VAPB: variants seen among roughly 807,000 people sequenced by gnomAD.
VAPB encodes vesicle-associated membrane protein-associated protein B/C.
Under a neutral mutation model 25.6 loss-of-function variants are expected in VAPB, and 7 were observed. The ratio of observed to expected loss-of-function variants is 0.27; its 90% confidence interval spans 0.16 to 0.51. The LOEUF (loss-of-function observed/expected upper bound fraction) is 0.51, where lower values mean the gene tolerates loss of function less well. VAPB is among the 20% of genes least tolerant of loss of function. VAPB has a pLI of 0.97. For missense variants in VAPB, 266 were observed against 301.3 expected, an observed-to-expected ratio of 0.88 and a Z score of 0.87; for synonymous variants, 112 against 109.2, an observed-to-expected ratio of 1.03 and a Z score of -0.16.
intron 2 of VAPB, among the ~76,000 whole-genome samples, chr20:58,433,349 T>C (rs1378570374): frequency 6.6e-6 from 1 of 152,234 alleles, no homozygotes; most frequent in Non-Finnish European, 1.5e-5. Flanking sequence ...ACGGCTATCC[T>C]GCTTTCTATC....
intron 5 of VAPB, among the ~76,000 whole-genome samples, chr20:58,442,982 G>C (rs1408134678): frequency 2.6e-5 from 4 of 152,234 alleles, no homozygotes; most frequent in African/African-American, 4.8e-5. Flanking sequence ...GTCTGTGCCA[G>C]AATAGAATGG....
At chr20:58,425,460 C>G (rs188774638) in intron 2 of VAPB, among the ~76,000 whole-genome samples, 1 of 152,104 alleles carries the variant, frequency 6.6e-6, no homozygotes, top group East Asian at 1.9e-4. Context: ...TGTTAGCTAA[C>G]GCAAAAAATG....
chr20:58,445,539 C>T lies in VAPB; in HGVS notation c.*1304C>T, dbSNP rs757528541. 4 of 454,040 alleles carry T rather than the reference C, an allele frequency of 8.8e-6. No homozygotes were observed. The highest frequency in any genetic ancestry group is 6.2e-5 in the South Asian group (4 of 64,396). The allele number at this position is 454,040 out of a possible 1,614,324, so 28.1% of individuals were successfully genotyped here. A position where few individuals can be genotyped will look rare whatever the true frequency, so the allele number is the denominator to read the frequency against. ...TTGAAAAGAAAAATTATAATAAAGCCCCAAAATTAAGAATTCTTTTGTCAT... is the reference window on the plus strand; with the variant it reads ...TTGAAAAGAAAAATTATAATAAAGCTCCAAAATTAAGAATTCTTTTGTCAT... On this transcript the variant is annotated 3_prime_UTR_variant, in exon 6 of 6. Coordinates refer to ENST00000475243, the MANE Select transcript of VAPB (RefSeq NM_004738.5).
Position 58,438,963 on chromosome 20 carries a change from G to C in VAPB, c.334G>C (p.Glu112Gln). 1 of 1,613,856 alleles carries C rather than the reference G, an allele frequency of 6.2e-7. No homozygotes were observed. Among genetic ancestry groups the C allele is most frequent in the Non-Finnish European group, 8.5e-7 (1 of 1,179,948 alleles). The stretch of plus-strand genomic sequence containing the variant: ...GTTTTAGTGGAAGGAGGCAAAACCG[G>C]AAGACCTTATGGATTCAAAACTTAG... ...MEAVWKEAKP[E>Q]DLMDSKLRCV... The change falls in exon 4 of 6, where the codon GAA (glutamate) becomes CAA (glutamine). Residue 112 changes from glutamate to glutamine, a missense_variant. By Grantham distance (29) the Glu-to-Gln change is conservative (BLOSUM62 2). Coordinates refer to ENST00000475243, the MANE Select transcript of VAPB (RefSeq NM_004738.5).
chr20:58,435,145 A>G (rs895880623), intron 3 of VAPB, among the ~76,000 whole-genome samples: 4 of 152,146 alleles, frequency 2.6e-5, no homozygotes, highest in African/African-American at 9.7e-5. Context: ...TTAGACATAC[A>G]TGTTTGTGGC....
intron 2 of VAPB, among the ~76,000 whole-genome samples, chr20:58,430,498 G>A (rs2123081752): frequency 6.6e-6 from 1 of 152,246 alleles, no homozygotes; most frequent in East Asian, 1.9e-4. Context: ...GGCCTCAGGT[G>A]ATCCACCCAC....
intron 1 of VAPB, among the ~76,000 whole-genome samples, chr20:58,405,285 C>T (rs1450757604): frequency 6.6e-6 from 1 of 151,986 alleles, no homozygotes; most frequent in African/African-American, 2.4e-5. Flanking sequence ...TGATGATGAG[C>T]TTGGTGTGTT....
chr20:58,404,369 C>T (rs1364580533), intron 1 of VAPB, among the ~76,000 whole-genome samples: 1 of 152,194 alleles, frequency 6.6e-6, no homozygotes, highest in African/African-American at 2.4e-5. Context: ...CGTTATCACA[C>T]TGTACTTTCA....
intron 4 of VAPB, chr20:58,439,256 C>T (rs890863304): frequency 2.0e-5 from 11 of 536,958 alleles, no homozygotes; most frequent in East Asian, 1.3e-4. Context: ...AAGTGCAGCC[C>T]GATGGCCATT....
chr20:58,423,435 A>G (rs868799779), intron 2 of VAPB, among the ~76,000 whole-genome samples: 2 of 148,954 alleles, frequency 1.3e-5, no homozygotes, highest in Admixed American at 6.7e-5. Flanking sequence ...AAAAAAAAAA[A>G]AAAAAAAAAA....
At chr20:58,432,815 T>G (rs1988956399) in intron 2 of VAPB, among the ~76,000 whole-genome samples, 1 of 152,236 alleles carries the variant, frequency 6.6e-6, no homozygotes, top group Non-Finnish European at 1.5e-5. Context: ...GGTCGGTAAA[T>G]GTTCCAGGTC....
chr20:58,437,755 T>G (rs559180798), intron 3 of VAPB, among the ~76,000 whole-genome samples: 1 of 152,226 alleles, frequency 6.6e-6, no homozygotes, highest in Admixed American at 6.5e-5. Flanking sequence ...TCTAACTGAG[T>G]GCTCTTCAGC....
At chr20:58,396,657 A>G (rs775376567) in intron 1 of VAPB, among the ~76,000 whole-genome samples, 1 of 152,140 alleles carries the variant, frequency 6.6e-6, no homozygotes, top group African/African-American at 2.4e-5. Flanking sequence ...GTGCCCCCCA[A>G]CACCCCGTTG....
Position 58,444,333 on chromosome 20 carries a change from A to G in VAPB, c.*98A>G, listed in dbSNP as rs1989226306. On this transcript the variant is annotated 3_prime_UTR_variant, in exon 6 of 6. Transcript: ENST00000475243. ...ATGTGTAAAAAGAAATTAATGTATG[A>G]TGACATCTCACAGGTCTTGCCTTTA... is the stretch of plus-strand genomic sequence containing the variant. 1 of 1,573,766 alleles carries G rather than the reference A, an allele frequency of 6.4e-7. No individual in the cohort carries two copies. The highest frequency in any genetic ancestry group is 8.7e-7 in the Non-Finnish European group (1 of 1,145,266).
Position 58,448,441 on chromosome 20 carries a change from G to T in VAPB, c.*4206G>T, listed in dbSNP as rs886056824. The T allele has an allele frequency of 4.4e-6, 2 of 453,848 alleles. No individual in the cohort carries two copies. The highest frequency in any genetic ancestry group is 8.8e-6 in the Non-Finnish European group (2 of 226,774). The allele number at this position is 453,848 out of a possible 1,614,324, so 28.1% of individuals were successfully genotyped here. A position where few individuals can be genotyped will look rare whatever the true frequency, so the allele number is the denominator to read the frequency against. On this transcript the variant is annotated 3_prime_UTR_variant, in exon 6 of 6. Coordinates refer to ENST00000475243, the MANE Select transcript of VAPB (RefSeq NM_004738.5). The stretch of plus-strand genomic sequence containing the variant: ...TGTATAGAACATTTCCAATACATTC[G>T]CTCATTGAACTTAATCCTTGCAACT...
chr20:58,400,757 A>C (rs965976514), intron 1 of VAPB, among the ~76,000 whole-genome samples: 1 of 152,230 alleles, frequency 6.6e-6, no homozygotes, highest in Non-Finnish European at 1.5e-5. Context: ...ACAGAAGCAT[A>C]CACAAGAATA....
intron 3 of VAPB, among the ~76,000 whole-genome samples, chr20:58,435,839 T>A (rs1989032906): frequency 6.6e-6 from 1 of 152,196 alleles, no homozygotes; most frequent in African/African-American, 2.4e-5. Context: ...TTAATTTGTG[T>A]GATCAAAGAA....
chr20:58,440,806 G>A, intron 4 of VAPB, 101 bp from the exon 5 acceptor site: 1 of 1,060,220 alleles, frequency 9.4e-7, no homozygotes, highest in Non-Finnish European at 1.4e-6. Context: ...TGGATGAAAT[G>A]CTACCACGTT....
At position 58,441,035 on chromosome 20, in the gene VAPB, G is replaced by T. The variant is rs1398045840; in HGVS notation, c.525G>T (p.Arg175Ser). Residue 175 changes from arginine to serine, a missense_variant, in exon 5 of 6, where the codon AGG (arginine) becomes AGT (serine). Around this residue, in one of 3 missense-constraint regions of VAPB, gnomAD observed 136 missense variants for 130.7 expected, o/e 1.04. Coordinates refer to ENST00000475243, the MANE Select transcript of VAPB (RefSeq NM_004738.5). ...EVKKVMEECK[R>S]LQGEVQRLRE... ...AGAAGGTTATGGAAGAATGTAAGAG[G>T]CTGCAAGGTGAAGTTCAGAGGCTAC... 2 of 1,613,972 alleles carry T rather than the reference G, an allele frequency of 1.2e-6. No homozygotes were observed. The highest frequency in any genetic ancestry group is 1.7e-5 in the Admixed American group (1 of 59,992).
Sources: allele counts gnomAD v4.1 joint callset (sites outside exome capture counted in the v4.1 genomes callset), GRCh38; gene constraint gnomAD v4.1.1; regional missense constraint gnomAD v4.1.1; transcripts MANE v1.5; gene names NCBI Gene and HGNC (gene_info 2026-07-23, HGNC 2026-07-21).